Variants in LONRF1 observed in about 807,000 individuals in gnomAD.
LONRF1 encodes LON peptidase N-terminal domain and ring finger 1, also known as LON peptidase N-terminal domain and RING finger protein 1.
LONRF1 carries 37 observed loss-of-function variants against 85.8 expected under a neutral mutation model. That is an observed-to-expected ratio of 0.43 (90% CI 0.33 to 0.57). The LOEUF is 0.57. Ranked by LOEUF, LONRF1 falls within the 20% of genes least tolerant of loss-of-function variation. The probability of loss-of-function intolerance (pLI) is 0.04; values close to 1 mark genes in which losing one functional copy is unlikely to be tolerated. For synonymous variants in LONRF1, 517 were observed against 390.1 expected, an observed-to-expected ratio of 1.33 and a Z score of -3.83; for missense variants, 1,036 against 978.0, an observed-to-expected ratio of 1.06 and a Z score of -0.79.
chr8:12,727,748 G>T (rs1394264405), intron 10 of LONRF1, among the ~76,000 whole-genome samples: 2 of 152,102 alleles, frequency 1.3e-5, no homozygotes, highest in African/African-American at 4.8e-5. Context: ...TATGCCTAAG[G>T]CACAGATTCT....
At chr8:12,727,501 C>T (rs1798363235) in intron 10 of LONRF1, among the ~76,000 whole-genome samples, 1 of 151,774 alleles carries the variant, frequency 6.6e-6, no homozygotes, top group Non-Finnish European at 1.5e-5. Context: ...GATTACTAGA[C>T]ATTCCGAGGA....
chr8:12,739,109 C>A (rs996642942), intron 3 of LONRF1, among the ~76,000 whole-genome samples: 6 of 152,006 alleles, frequency 3.9e-5, no homozygotes, highest in Non-Finnish European at 7.4e-5. Context: ...CACCCTAGAA[C>A]CCAGCAATTC....
chr8:12,736,647 T>C (rs991397392), intron 6 of LONRF1, 54 bp downstream of exon 6: 2 of 1,195,058 alleles, frequency 1.7e-6, no homozygotes, highest in African/African-American at 3.1e-5. Context: ...CTACACGGTA[T>C]TTTATGTATA....
intron 7 of LONRF1, among the ~76,000 whole-genome samples, chr8:12,733,855 T>C (rs1279145170): frequency 2.0e-5 from 3 of 152,208 alleles, no homozygotes; most frequent in African/African-American, 7.2e-5. Flanking sequence ...AAAGTATATG[T>C]ATTTTGAATT....
At chr8:12,754,326 A>C in intron 1 of LONRF1, 2 of 167,092 alleles carry the variant, frequency 1.2e-5, no homozygotes, top group Non-Finnish European at 1.3e-5. Flanking sequence ...AGCGCGCGGC[A>C]GGAAGCGAGC....
At chr8:12,735,182 A>T in intron 7 of LONRF1, 104 bp downstream of exon 7, 1 of 718,622 alleles carries the variant, frequency 1.4e-6, no homozygotes. Flanking sequence ...CAGAATATAG[A>T]ATGTAATTCT....
chr8:12,742,626 T>C (rs1374447927), intron 2 of LONRF1, among the ~76,000 whole-genome samples: 2 of 152,202 alleles, frequency 1.3e-5, no homozygotes, highest in South Asian at 2.1e-4. Flanking sequence ...ACATTTTGTA[T>C]AATAAAGTCT....
intron 8 of LONRF1, 30 bp from the exon 9 acceptor site, chr8:12,729,362 T>C (rs1165912738): frequency 6.2e-7 from 1 of 1,604,124 alleles, no homozygotes. Flanking sequence ...ATTATTAGAA[T>C]TCATACAAGA....
At chr8:12,727,492 A>G (rs1051277375) in intron 10 of LONRF1, among the ~76,000 whole-genome samples, 1 of 151,976 alleles carries the variant, frequency 6.6e-6, no homozygotes, top group African/African-American at 2.4e-5. Flanking sequence ...ATGAGAAAAG[A>G]TTACTAGACA....
Position 12,725,650 on chromosome 8 carries a change from G to A in LONRF1, c.2163+77C>T, listed in dbSNP as rs2117219593. ...GAAAAAGTAGTGCAGAAAGGACAAT[G>A]AGAAAACAAATGTAGAAGTGTGCAA... On this transcript the variant is annotated intron_variant, in intron 11 of 11. Coordinates refer to ENST00000398246, the MANE Select transcript of LONRF1 (RefSeq NM_152271.5). 5 of 1,428,454 alleles carry A rather than the reference G, an allele frequency of 3.5e-6. 1 individual carries two copies. In the Admixed American group the frequency reaches 1.0e-4, roughly 28 times the overall value. The allele number at this position is 1,428,454 out of a possible 1,614,324, so 88.5% of individuals were successfully genotyped here. A position where few individuals can be genotyped will look rare whatever the true frequency, so the allele number is the denominator to read the frequency against.
rs760457264 is a variant in LONRF1, at chr8:12,737,025, CTTT to C, written c.1226_1228del (p.Lys409del). ...TGACAGAACAGGTTCTGAGGACACTCTTTTTAAACAGTCCTCTCTGGCAGGCAT... is the reference window on the plus strand; with the variant it reads ...TGACAGAACAGGTTCTGAGGACACTCTTAAACAGTCCTCTCTGGCAGGCAT... On this transcript the variant is annotated inframe_deletion, in exon 5 of 12. Transcript: ENST00000398246. The C allele has an allele frequency of 1.2e-6, 2 of 1,613,666 alleles. No individual in the cohort carries two copies. Among genetic ancestry groups the C allele is most frequent in the South Asian group, 2.2e-5 (2 of 91,072 alleles).
At chr8:12,727,513 C>A (rs73202633) in intron 10 of LONRF1, among the ~76,000 whole-genome samples, 12,420 of 151,622 alleles carry the variant, frequency 0.082, 695 homozygotes, top group Non-Finnish European at 0.12. Flanking sequence ...TTCCGAGGAC[C>A]AAAGAGGACT....
At chr8:12,748,442 C>T (rs1243063499) in intron 1 of LONRF1, among the ~76,000 whole-genome samples, 1 of 152,102 alleles carries the variant, frequency 6.6e-6, no homozygotes, top group African/African-American at 2.4e-5. Flanking sequence ...AGTGGTCCTC[C>T]CTCCTTGGCC....
intron 1 of LONRF1, chr8:12,753,199 T>C (rs1271583752): frequency 1.3e-5 from 2 of 152,162 alleles, no homozygotes; most frequent in Admixed American, 6.5e-5. Context: ...ACTGAAAGAA[T>C]ACAAAAATCT....
At chr8:12,745,577 C>G (rs535849566) in intron 1 of LONRF1, among the ~76,000 whole-genome samples, 1 of 152,330 alleles carries the variant, frequency 6.6e-6, no homozygotes, top group Non-Finnish European at 1.5e-5. Flanking sequence ...TGTATGCTCT[C>G]TACGTGACCT....
intron 1 of LONRF1, among the ~76,000 whole-genome samples, chr8:12,745,655 T>C (rs1563154797): frequency 6.6e-6 from 1 of 152,200 alleles, no homozygotes; most frequent in African/African-American, 2.4e-5. Flanking sequence ...CTCACTCCAT[T>C]ACTGCAGGTA....
intron 1 of LONRF1, chr8:12,754,335 G>A (rs1799538296): frequency 5.6e-6 from 1 of 177,234 alleles, no homozygotes; most frequent in Non-Finnish European, 1.2e-5. Context: ...CAGGAAGCGA[G>A]CGGCCGCTCG....
intron 1 of LONRF1, among the ~76,000 whole-genome samples, chr8:12,749,842 G>C (rs1167403082): frequency 6.6e-6 from 1 of 152,026 alleles, no homozygotes; most frequent in Admixed American, 6.5e-5. Flanking sequence ...CCATTTTCTA[G>C]GGATTTTCAA....
At chr8:12,733,626 T>C (rs1289424638) in intron 7 of LONRF1, among the ~76,000 whole-genome samples, 1 of 152,154 alleles carries the variant, frequency 6.6e-6, no homozygotes, top group East Asian at 1.9e-4. Flanking sequence ...TACATAAAGA[T>C]GCATAAAATC....
Sources: gnomAD v4.1 joint callset for allele counts (sites outside exome capture counted in the v4.1 genomes callset) on GRCh38, gnomAD v4.1.1 for gene constraint, MANE v1.5 for transcripts, NCBI Gene and HGNC (gene_info 2026-07-23, HGNC 2026-07-21) for gene names.